The following ZNF728 variants were observed in gnomAD, a reference collection of about 807,000 sequenced individuals.
ZNF728 encodes zinc finger protein 728.
Under a neutral mutation model 12.5 loss-of-function variants are expected in ZNF728, and 12 were observed. The observed-to-expected ratio is 0.96, with a 90% CI of 0.61 to 1.55. The LOEUF (loss-of-function observed/expected upper bound fraction) is 1.55. ZNF728 is among the 40% of genes most tolerant of loss of function. ZNF728 has a pLI of 0.00. For missense variants in ZNF728, 692 were observed against 719.2 expected, an observed-to-expected ratio of 0.96 and a Z score of 0.43; for synonymous variants, 205 against 240.7, an observed-to-expected ratio of 0.85 and a Z score of 1.37.
chr19:22,975,898 TA>T lies in ZNF728; in HGVS notation c.1438del (p.Tyr480ThrfsTer49), dbSNP rs760865908. ...HKAIHAGEKLYKCEECGKAFK... is the reference protein window; with the variant it reads ...HKAIHAGEKLXKCEECGKAFK... ...GGCTTTGCCACATTCTTCACATTTG[TA>T]GAGTTTCTCTCCAGCATGAATTGCC... On this transcript the variant is annotated frameshift_variant, in exon 4 of 4. Coordinates refer to ENST00000594710, the MANE Select transcript of ZNF728 (RefSeq NM_001267716.2). LOFTEE classifies it low-confidence loss of function (END_TRUNC). 1 of 1,606,398 alleles carries T rather than the reference TA, an allele frequency of 6.2e-7. No homozygotes were observed. Among genetic ancestry groups the T allele is most frequent in the South Asian group, 1.1e-5 (1 of 90,894 alleles).
intron 1 of ZNF728, among the ~76,000 whole-genome samples, chr19:23,002,207 T>C (rs892025548): frequency 6.6e-6 from 1 of 152,142 alleles, no homozygotes; most frequent in African/African-American, 2.4e-5. Flanking sequence ...CCCAGCTACC[T>C]GAGAGGCTAA....
rs569248254 is a variant in ZNF728, at chr19:22,992,828, A to T, written c.4-4377T>A. 2.6e-5 allele frequency among the ~76,000 whole-genome samples: 4 copies of T among 152,312 alleles called. No homozygotes were observed. The South Asian group carries it at 8.3e-4, about 32-fold the overall frequency. On this transcript the variant is annotated intron_variant, in intron 1 of 3. Coordinates refer to ENST00000594710, the MANE Select transcript of ZNF728 (RefSeq NM_001267716.2). ...CTGGACATTCTCAAATGTCTCAAAG[A>T]TTCAGAGGTGATTGTGAGAGGGTTC...
chr19:23,000,126 T>C (rs1485413252), intron 1 of ZNF728, among the ~76,000 whole-genome samples: 1 of 152,228 alleles, frequency 6.6e-6, no homozygotes, highest in African/African-American at 2.4e-5. Flanking sequence ...CCCAGCACTT[T>C]GTGGGGCCAA....
chr19:22,983,819 C>A (rs1394146292), intron 3 of ZNF728, among the ~76,000 whole-genome samples: 1 of 151,996 alleles, frequency 6.6e-6, no homozygotes, highest in Non-Finnish European at 1.5e-5. Flanking sequence ...AACACAGGGA[C>A]ACAGGAAGGG....
At chr19:22,981,887 A>G (rs999438498) in intron 3 of ZNF728, among the ~76,000 whole-genome samples, 3 of 152,168 alleles carry the variant, frequency 2.0e-5, no homozygotes, top group African/African-American at 7.2e-5. Flanking sequence ...TCTCAAAATA[A>G]TAAGAGCTAT....
At chr19:22,998,915 T>C (rs1046046466) in intron 1 of ZNF728, among the ~76,000 whole-genome samples, 1 of 152,204 alleles carries the variant, frequency 6.6e-6, no homozygotes, top group Admixed American at 6.5e-5. Context: ...TTTTTCTCAT[T>C]AAAAAAGCAG....
intron 1 of ZNF728, among the ~76,000 whole-genome samples, chr19:22,991,003 C>A (rs1297053964): frequency 6.6e-6 from 1 of 152,034 alleles, no homozygotes; most frequent in African/African-American, 2.4e-5. Flanking sequence ...GATGTTGTTC[C>A]CACTGGGCTT....
At chr19:22,990,497 A>G (rs1459916140) in intron 1 of ZNF728, among the ~76,000 whole-genome samples, 2 of 151,682 alleles carry the variant, frequency 1.3e-5, no homozygotes, top group African/African-American at 4.8e-5. Context: ...CCAGAGATAA[A>G]AATATGCTTT....
intron 3 of ZNF728, among the ~76,000 whole-genome samples, chr19:22,979,822 C>T (rs1202669588): frequency 2.6e-5 from 4 of 152,090 alleles, no homozygotes; most frequent in Admixed American, 6.6e-5. Flanking sequence ...GAGATTTTGT[C>T]ACCAGCAGGC....
At chr19:22,993,767 C>T (rs1209237997) in intron 1 of ZNF728, among the ~76,000 whole-genome samples, 1 of 152,076 alleles carries the variant, frequency 6.6e-6, no homozygotes, top group African/African-American at 2.4e-5. Flanking sequence ...TTTATAGCTA[C>T]TTGTGGCAAT....
chr19:22,989,025 T>G (rs1258446382), intron 1 of ZNF728, among the ~76,000 whole-genome samples: 1 of 118,304 alleles, frequency 8.5e-6, no homozygotes, highest in Non-Finnish European at 1.6e-5. Context: ...CCCTCCAGCC[T>G]GGGCAACAAG....
In ZNF728 at chr19:22,976,712, C is replaced by G. The variant is rs1195801190; in HGVS notation, c.625G>C (p.Ala209Pro). Residue 209 changes from alanine (A) to proline (P), a missense_variant, in exon 4 of 4, where the codon GCC becomes CCC. Ala to Pro is a conservative substitution (Grantham distance 27). This residue lies in a region of ZNF728 where 440 missense variants were observed against 459.6 expected (regional missense o/e 0.96). Transcript: ENST00000594710. ...NSYKSEEHGK[A>P]FNWSSALTYK... ...GTAAGGGCTGAGGACCAGTTAAAGG[C>G]TTTGCCATGTTCTTCACTTTTGTAG... is the stretch of plus-strand genomic sequence containing the variant. 9.3e-6 allele frequency: 15 copies of G among 1,613,282 alleles called. No individual in the cohort carries two copies. Among genetic ancestry groups the G allele is most frequent in the Non-Finnish European group, 1.1e-5 (13 of 1,179,950 alleles).
Position 22,976,443 on chromosome 19 carries a change from G to T in ZNF728, c.894C>A (p.Thr298=). 6.2e-7 allele frequency: 1 copy of T among 1,612,514 alleles called. No homozygotes were observed. Among genetic ancestry groups the T allele is most frequent in the Non-Finnish European group, 8.5e-7 (1 of 1,179,796 alleles). Residue 298 remains threonine (T), a synonymous_variant, in exon 4 of 4, where the codon ACC becomes ACA. Coordinates refer to ENST00000594710, the MANE Select transcript of ZNF728 (RefSeq NM_001267716.2). ...ECGKAFSKAS[T]LTAHKTIHAG... is the part of the protein sequence containing the mutation. The stretch of plus-strand genomic sequence containing the variant: ...CATGAATTGTCTTATGTGCAGTAAG[G>T]GTTGAGGCCTTACTAAAGGCTTTGC...
rs1383554286 is a variant in ZNF728 at position 23,003,146 on chromosome 19, A to T, written c.-116T>A. 1.6e-6 allele frequency: 2 copies of T among 1,246,430 alleles called. No homozygotes were observed. Among genetic ancestry groups the T allele is most frequent in the South Asian group, 1.7e-5 (1 of 60,110 alleles). 77.2% of individuals were successfully genotyped at this position (1,246,430 alleles called of 1,614,324 possible). A position where few individuals can be genotyped will look rare whatever the true frequency, so the allele number is the denominator to read the frequency against. On this transcript the variant is annotated 5_prime_UTR_variant, in exon 1 of 4. Transcript: ENST00000594710. Reference sequence around the variant, plus strand: ...GACGACACACAGCAGTAAGGACGACACCTTGACCTCCGCGTGCAGCGAGAG... The same window carrying T: ...GACGACACACAGCAGTAAGGACGACTCCTTGACCTCCGCGTGCAGCGAGAG...
intron 1 of ZNF728, among the ~76,000 whole-genome samples, chr19:22,996,839 T>A (rs1969055519): frequency 6.6e-6 from 1 of 152,188 alleles, no homozygotes; most frequent in Admixed American, 6.5e-5. Flanking sequence ...TAAAACCTCT[T>A]ATTGCTAATT....
Position 22,977,681 on chromosome 19 carries a change from CATAA to C in ZNF728, c.227-575_227-572del, listed in dbSNP as rs561580870. 4.2e-3 allele frequency among the ~76,000 whole-genome samples: 632 copies of C among 152,258 alleles called. 5 individuals are homozygous for C. The highest frequency in any genetic ancestry group is 0.014 in the African/African-American group (568 of 41,564). Reference sequence around the variant, plus strand: ...ACAAGTAACTACTTTTCAGAAGAAACATAAATAATCTCTTTTAACTAAAGGTAAG... The same window carrying C: ...ACAAGTAACTACTTTTCAGAAGAAACATAATCTCTTTTAACTAAAGGTAAG... On this transcript the variant is annotated intron_variant, in intron 3 of 3. Coordinates refer to ENST00000594710, the MANE Select transcript of ZNF728 (RefSeq NM_001267716.2).
Position 22,987,405 on chromosome 19 carries a change from T to C in ZNF728, c.131-2A>G. 6.3e-7 allele frequency: 1 copy of C among 1,595,170 alleles called. No homozygotes were observed. Among genetic ancestry groups the C allele is most frequent in the South Asian group, 1.1e-5 (1 of 87,340 alleles). On this transcript the variant is annotated splice_acceptor_variant, in intron 2 of 3. Coordinates refer to ENST00000594710, the MANE Select transcript of ZNF728 (RefSeq NM_001267716.2). LOFTEE classifies it high-confidence loss of function. ...GGTCTGGCTTAGGGGCAGCAATACC[T>C]GTTTTATTAAAAATGAGTAACATGC...
Position 22,976,412 on chromosome 19 carries a change from C to G in ZNF728, c.925G>C (p.Glu309Gln). Residue 309 changes from glutamate to glutamine, a missense_variant, in exon 4 of 4, where the codon GAG becomes CAG. This residue lies in a region of ZNF728 where 440 missense variants were observed against 459.6 expected (regional missense o/e 0.96). Coordinates refer to ENST00000594710, the MANE Select transcript of ZNF728 (RefSeq NM_001267716.2). ...LTAHKTIHAG[E>Q]KPYKCEECGK... is the part of the protein sequence containing the mutation. ...CATTCTTCACATTTGTAGGGTTTCT[C>G]TCCAGCATGAATTGTCTTATGTGCA... 1 of 1,613,096 alleles carries G rather than the reference C, an allele frequency of 6.2e-7. No homozygotes were observed. The highest frequency in any genetic ancestry group is 1.1e-5 in the South Asian group (1 of 91,070).
intron 1 of ZNF728, among the ~76,000 whole-genome samples, chr19:23,000,943 AG>A (rs1166206834): frequency 6.6e-6 from 1 of 151,574 alleles, no homozygotes; most frequent in Non-Finnish European, 1.5e-5. Flanking sequence ...AATCATGTCA[AG>A]GTACGGATAT....
Sources: allele counts gnomAD v4.1 joint callset (sites outside exome capture counted in the v4.1 genomes callset), GRCh38; gene constraint gnomAD v4.1.1; regional missense constraint gnomAD v4.1.1; transcripts MANE v1.5; gene names NCBI Gene and HGNC (gene_info 2026-07-23, HGNC 2026-07-21).